Variants in ADAM22 observed in about 807,000 individuals in gnomAD.
ADAM22 encodes disintegrin and metalloproteinase domain-containing protein 22.
A neutral mutation model predicts 144.6 loss-of-function variants in ADAM22; 65 were observed. The ratio of observed to expected loss-of-function variants is 0.45; its 90% CI spans 0.37 to 0.55. The LOEUF (loss-of-function observed/expected upper bound fraction) is 0.55. Among genes scored for constraint, ADAM22 ranks in the 20% least tolerant of loss-of-function variants. The probability of loss-of-function intolerance (pLI) is 0.00; values close to 1 mark genes in which losing one functional copy is unlikely to be tolerated. For missense variants in ADAM22, 974 were observed against 1,184.9 expected (o/e 0.82, Z 2.61); for synonymous variants, 391 against 412.6 (o/e 0.95, Z 0.63).
intron 3 of ADAM22, among the ~76,000 whole-genome samples, chr7:87,984,591 C>T (rs951644100): frequency 6.6e-6 from 1 of 152,172 alleles, no homozygotes; most frequent in Non-Finnish European, 1.5e-5. Flanking sequence ...GTGTGCTTCT[C>T]AGAAAACTCT....
chr7:88,028,368 G>T (rs1248690965), intron 3 of ADAM22, among the ~76,000 whole-genome samples: 1 of 151,944 alleles, frequency 6.6e-6, no homozygotes, highest in African/African-American at 2.4e-5. Context: ...TCATTTTTTT[G>T]AATGTTTTAA....
chr7:88,118,294 TC>T (rs1170714159), intron 7 of ADAM22, among the ~76,000 whole-genome samples: 1 of 152,208 alleles, frequency 6.6e-6, no homozygotes, highest in Non-Finnish European at 1.5e-5. Context: ...TAACTCCTTG[TC>T]CTCCTGTAAT....
intron 3 of ADAM22, among the ~76,000 whole-genome samples, chr7:88,023,153 A>G (rs765903567): frequency 3.5e-4 from 54 of 152,210 alleles, no homozygotes; most frequent in Admixed American, 2.5e-3. Context: ...TTAATGAAAG[A>G]TTGTTTAGAT....
At chr7:87,961,544 C>CACTTAAAT (rs1274531857) in intron 2 of ADAM22, among the ~76,000 whole-genome samples, 1 of 152,152 alleles carries the variant, frequency 6.6e-6, no homozygotes, top group Non-Finnish European at 1.5e-5. Flanking sequence ...TACTTCCATG[C>CACTTAAAT]ACTTAAATGT....
At chr7:87,999,714 G>C (rs967157705) in intron 3 of ADAM22, among the ~76,000 whole-genome samples, 5 of 151,806 alleles carry the variant, frequency 3.3e-5, no homozygotes, top group African/African-American at 1.2e-4. Context: ...CAGTTATACG[G>C]GATTAAAATT....
chr7:87,968,687 A>C (rs1367078595), intron 2 of ADAM22, among the ~76,000 whole-genome samples: 1 of 152,174 alleles, frequency 6.6e-6, no homozygotes, highest in Non-Finnish European at 1.5e-5. Context: ...GTGCAACTGC[A>C]CTCCAGACTG....
At chr7:88,049,790 G>A (rs1416030301) in intron 3 of ADAM22, among the ~76,000 whole-genome samples, 1 of 152,176 alleles carries the variant, frequency 6.6e-6, no homozygotes, top group African/African-American at 2.4e-5. Flanking sequence ...GAAATCTAAG[G>A]TTAGAGTTAG....
intron 2 of ADAM22, among the ~76,000 whole-genome samples, chr7:87,973,337 G>A (rs1415350267): frequency 2.6e-5 from 4 of 152,136 alleles, no homozygotes; most frequent in Admixed American, 2.6e-4. Flanking sequence ...ACATGGAGAA[G>A]TGCTCACCAT....
At chr7:88,027,895 A>T (rs1465939496) in intron 3 of ADAM22, among the ~76,000 whole-genome samples, 4 of 151,124 alleles carry the variant, frequency 2.6e-5, no homozygotes, top group Non-Finnish European at 5.9e-5. Context: ...GGTTCAAGTG[A>T]TTCTCCTGCC....
intron 18 of ADAM22, 134 bp from the exon 19 acceptor site, chr7:88,150,847 C>A (rs1838133375): frequency 1.6e-6 from 1 of 639,248 alleles, no homozygotes; most frequent in South Asian, 2.6e-5. Flanking sequence ...ACCTCCTTTG[C>A]ATTTTGTTTT....
chr7:88,071,970 CA>C (rs1385177732), intron 3 of ADAM22, among the ~76,000 whole-genome samples: 1 of 151,842 alleles, frequency 6.6e-6, no homozygotes, highest in Non-Finnish European at 1.5e-5. Flanking sequence ...AAGAAAATAA[CA>C]AGATAATTTG....
At chr7:88,013,204 G>A (rs781144230) in intron 3 of ADAM22, among the ~76,000 whole-genome samples, 2 of 152,096 alleles carry the variant, frequency 1.3e-5, no homozygotes, top group Non-Finnish European at 2.9e-5. Flanking sequence ...ACTGATCTTA[G>A]CTATTATTCT....
At chr7:88,010,456 A>G (rs1795102158) in intron 3 of ADAM22, among the ~76,000 whole-genome samples, 2 of 152,114 alleles carry the variant, frequency 1.3e-5, no homozygotes, top group African/African-American at 4.8e-5. Context: ...ACAGTGTCAT[A>G]TCTGTTAATC....
chr7:87,947,571 T>G (rs1283990066), intron 2 of ADAM22, among the ~76,000 whole-genome samples: 2 of 152,138 alleles, frequency 1.3e-5, no homozygotes, highest in Admixed American at 1.3e-4. Context: ...ACTAAGAATT[T>G]TCACTTAATT....
At chr7:87,997,302 T>G (rs1173961185) in intron 3 of ADAM22, among the ~76,000 whole-genome samples, 1 of 152,214 alleles carries the variant, frequency 6.6e-6, no homozygotes, top group African/African-American at 2.4e-5. Context: ...AACTTGGAGC[T>G]CCTCATTTGG....
At chr7:88,114,718 T>TA (rs1827317877) in intron 6 of ADAM22, 71 bp downstream of exon 6, 2 of 1,385,586 alleles carry the variant, frequency 1.4e-6, no homozygotes, top group Admixed American at 1.9e-5. Context: ...TCTCCTTTTT[T>TA]TATCTCTACT....
At chr7:87,957,824 C>G (rs558291720) in intron 2 of ADAM22, among the ~76,000 whole-genome samples, 1 of 152,304 alleles carries the variant, frequency 6.6e-6, no homozygotes, top group Non-Finnish European at 1.5e-5. Context: ...CTCAGGTGAT[C>G]TGCCCACCTC....
At chr7:88,149,674 A>G (rs1837744861) in intron 18 of ADAM22, among the ~76,000 whole-genome samples, 1 of 152,246 alleles carries the variant, frequency 6.6e-6, no homozygotes, top group African/African-American at 2.4e-5. Flanking sequence ...CATTTTAATA[A>G]TCAAAGGAAA....
chr7:87,963,055 T>A (rs1381399318), intron 2 of ADAM22, among the ~76,000 whole-genome samples: 1 of 152,202 alleles, frequency 6.6e-6, no homozygotes, highest in Admixed American at 6.5e-5. Flanking sequence ...TAATAACATG[T>A]CTTTCCAGAT....
Sources: allele counts gnomAD v4.1 joint callset (sites outside exome capture counted in the v4.1 genomes callset), GRCh38; gene constraint gnomAD v4.1.1; transcripts MANE v1.5; gene names NCBI Gene and HGNC (gene_info 2026-07-23, HGNC 2026-07-21).